SYN3: variants seen among roughly 807,000 people sequenced by gnomAD.
SYN3 encodes the protein synapsin-3.
SYN3 carries 35 observed loss-of-function variants against 65.8 expected under a neutral mutation model. The observed-to-expected ratio is 0.53, with a 90% CI of 0.41 to 0.70. The LOEUF is 0.70. Ranked by LOEUF, SYN3 falls within the 30% of genes least tolerant of loss-of-function variation. The probability of loss-of-function intolerance (pLI) is 0.00; values close to 1 mark genes in which losing one functional copy is unlikely to be tolerated. For missense variants in SYN3, 680 were observed against 749.0 expected (o/e 0.91, Z 1.08); for synonymous variants, 270 against 292.9 (o/e 0.92, Z 0.80).
At chr22:33,056,506 C>T (rs2054256161) in intron 1 of SYN3, among the ~76,000 whole-genome samples, 1 of 152,196 alleles carries the variant, frequency 6.6e-6, no homozygotes, top group South Asian at 2.1e-4. Context: ...TCCCTAGGAC[C>T]AGCCTGCACC....
chr22:32,712,454 A>T (rs2060978758), intron 6 of SYN3, among the ~76,000 whole-genome samples: 1 of 152,182 alleles, frequency 6.6e-6, no homozygotes, highest in Non-Finnish European at 1.5e-5. Flanking sequence ...CTTGCAGGTG[A>T]GCTGCTACTG....
intron 2 of SYN3, among the ~76,000 whole-genome samples, chr22:32,985,685 T>C (rs1426578214): frequency 6.6e-6 from 1 of 152,098 alleles, no homozygotes; most frequent in Non-Finnish European, 1.5e-5. Flanking sequence ...AGCCCTGGCG[T>C]CCTTCATGAT....
intron 6 of SYN3, among the ~76,000 whole-genome samples, chr22:32,747,916 G>A (rs985487640): frequency 3.3e-5 from 5 of 152,212 alleles, no homozygotes; most frequent in Non-Finnish European, 7.3e-5. Context: ...CAAAGCTGGA[G>A]CAGCATAAAA....
intron 1 of SYN3, among the ~76,000 whole-genome samples, chr22:33,019,124 T>G (rs1389244501): frequency 6.6e-6 from 1 of 152,160 alleles, no homozygotes; most frequent in East Asian, 1.9e-4. Flanking sequence ...GGAAGCCCCC[T>G]CGTGACTTTC....
At chr22:32,796,835 G>A (rs2046440443) in intron 6 of SYN3, among the ~76,000 whole-genome samples, 1 of 152,166 alleles carries the variant, frequency 6.6e-6, no homozygotes, top group East Asian at 1.9e-4. Context: ...TGCCCTGGAA[G>A]ACTGGGACTG....
chr22:33,019,498 A>G (rs1390088181), intron 1 of SYN3, among the ~76,000 whole-genome samples: 4 of 152,182 alleles, frequency 2.6e-5, no homozygotes, highest in African/African-American at 9.7e-5. Context: ...CATCTGTAAA[A>G]CAGGAATAAA....
intron 7 of SYN3, among the ~76,000 whole-genome samples, chr22:32,542,082 C>T (rs1044247799): frequency 3.3e-5 from 5 of 152,050 alleles, no homozygotes; most frequent in East Asian, 1.9e-4. Context: ...GGATGCGGCA[C>T]GGGCCATGGG....
intron 6 of SYN3, among the ~76,000 whole-genome samples, chr22:32,846,458 G>T (rs2048064527): frequency 6.6e-6 from 1 of 152,234 alleles, no homozygotes; most frequent in African/African-American, 2.4e-5. Context: ...CACCATAGTG[G>T]TGATAATGCT....
At chr22:32,751,596 A>G (rs1314142299) in intron 6 of SYN3, among the ~76,000 whole-genome samples, 1 of 152,178 alleles carries the variant, frequency 6.6e-6, no homozygotes, top group African/African-American at 2.4e-5. Context: ...TCTGGTGGTG[A>G]CCTTGGCAGA....
chr22:32,774,268 G>A (rs995819283), intron 6 of SYN3, among the ~76,000 whole-genome samples: 6 of 152,186 alleles, frequency 3.9e-5, no homozygotes, highest in African/African-American at 1.4e-4. Context: ...ATGTAATCAA[G>A]TTAGAATGAA....
At chr22:32,879,548 C>T (rs543060494) in intron 4 of SYN3, among the ~76,000 whole-genome samples, 1 of 152,276 alleles carries the variant, frequency 6.6e-6, no homozygotes, top group South Asian at 2.1e-4. Context: ...TCTCTCGGGG[C>T]CTCTTACTTA....
At chr22:32,844,107 TG>T (rs2047992022) in intron 6 of SYN3, among the ~76,000 whole-genome samples, 1 of 152,126 alleles carries the variant, frequency 6.6e-6, no homozygotes, top group Non-Finnish European at 1.5e-5. Flanking sequence ...ACCAGCCAAA[TG>T]GGTAGCATTG....
intron 12 of SYN3, among the ~76,000 whole-genome samples, chr22:32,521,854 C>T (rs2057890163): frequency 6.6e-6 from 1 of 152,200 alleles, no homozygotes; most frequent in Admixed American, 6.5e-5. Context: ...TGATTCGCCT[C>T]CCTTCCCAGG....
Position 32,771,861 on chromosome 22 carries a change from C to T in SYN3, c.711+93054G>A, listed in dbSNP as rs8142191. 1.0e-2 allele frequency among the ~76,000 whole-genome samples: 1,519 copies of T among 152,236 alleles called. 30 individuals are homozygous for T. The highest frequency in any genetic ancestry group is 0.035 in the African/African-American group (1,461 of 41,552). Reference sequence around the variant, plus strand: ...ACTGGCCAAGGAAGACACTCAGAAACGAATCTAGATCTCTCTTCCAACGGT... The same window carrying T: ...ACTGGCCAAGGAAGACACTCAGAAATGAATCTAGATCTCTCTTCCAACGGT... On this transcript the variant is annotated intron_variant, in intron 6 of 13. Coordinates refer to ENST00000358763, the MANE Select transcript of SYN3 (RefSeq NM_003490.4).
intron 1 of SYN3, among the ~76,000 whole-genome samples, chr22:33,016,744 TTGGATTA>T (rs1202992655): frequency 6.6e-6 from 1 of 152,206 alleles, no homozygotes; most frequent in African/African-American, 2.4e-5. Flanking sequence ...CATTTTTTGA[TTGGATTA>T]TTTATTTTCT....
At chr22:32,701,623 C>A (rs987147226) in intron 6 of SYN3, among the ~76,000 whole-genome samples, 1 of 152,106 alleles carries the variant, frequency 6.6e-6, no homozygotes, top group Admixed American at 6.5e-5. Flanking sequence ...AGAGATAAAA[C>A]ATATAATATC....
At chr22:32,873,498 G>T (rs551801437) in intron 4 of SYN3, among the ~76,000 whole-genome samples, 21 of 152,286 alleles carry the variant, frequency 1.4e-4, no homozygotes, top group Middle Eastern at 3.4e-3. Context: ...GTTGTTGGGG[G>T]TGTAGTGGAC....
intron 7 of SYN3, among the ~76,000 whole-genome samples, chr22:32,585,043 T>C (rs1455062368): frequency 6.6e-6 from 1 of 152,194 alleles, no homozygotes; most frequent in Admixed American, 6.5e-5. Context: ...CAAATTCTGC[T>C]TCACCACTTA....
At chr22:32,581,803 T>C (rs2058949766) in intron 7 of SYN3, among the ~76,000 whole-genome samples, 1 of 140,694 alleles carries the variant, frequency 7.1e-6, no homozygotes, top group South Asian at 2.4e-4. Flanking sequence ...TTTTTTTTTT[T>C]TTTTTTTTTT....
Sources: gnomAD v4.1 joint callset for allele counts (sites outside exome capture counted in the v4.1 genomes callset) on GRCh38, gnomAD v4.1.1 for gene constraint, MANE v1.5 for transcripts, NCBI Gene and HGNC (gene_info 2026-07-23, HGNC 2026-07-21) for gene names.